The following TEAD1 variants were observed in gnomAD, a reference collection of about 807,000 sequenced individuals.
The protein encoded by TEAD1 is transcriptional enhancer factor TEF-1.
A neutral mutation model predicts 54.9 loss-of-function variants in TEAD1; 9 were observed. The ratio of observed to expected loss-of-function variants is 0.16; its 90% CI spans 0.10 to 0.29. The LOEUF (loss-of-function observed/expected upper bound fraction) is 0.29, where lower values mean the gene tolerates loss of function less well. TEAD1 is among the 10% of genes least tolerant of loss of function. The pLI is 1.00. For synonymous variants in TEAD1, 200 were observed against 187.8 expected, an observed-to-expected ratio of 1.07 and a Z score of -0.53; for missense variants, 387 against 535.9, an observed-to-expected ratio of 0.72 and a Z score of 2.74.
chr11:12,878,495 T>C (rs1362203763), intron 5 of TEAD1, among the ~76,000 whole-genome samples: 1 of 152,196 alleles, frequency 6.6e-6, no homozygotes, highest in Non-Finnish European at 1.5e-5. Flanking sequence ...ATAGACCCTC[T>C]ATTGGCACCG....
chr11:12,765,219 G>A (rs1479290436), intron 3 of TEAD1, among the ~76,000 whole-genome samples: 1 of 152,174 alleles, frequency 6.6e-6, no homozygotes, highest in African/African-American at 2.4e-5. Flanking sequence ...GGGCTTGCTT[G>A]CTGGGTTTGG....
At chr11:12,681,485 A>T (rs538137783) in intron 2 of TEAD1, among the ~76,000 whole-genome samples, 2 of 152,348 alleles carry the variant, frequency 1.3e-5, no homozygotes, top group South Asian at 4.1e-4. Flanking sequence ...TCATGCTTAG[A>T]ACTTGTGAAA....
chr11:12,927,128 G>T (rs1188011129), intron 11 of TEAD1, among the ~76,000 whole-genome samples: 2 of 152,212 alleles, frequency 1.3e-5, no homozygotes, highest in Non-Finnish European at 2.9e-5. Context: ...GCAGGGAAAG[G>T]TTGCTCTTGA....
At chr11:12,864,766 A>T in intron 4 of TEAD1, 72 bp from the exon 5 acceptor site, 1 of 1,612,764 alleles carries the variant, frequency 6.2e-7, no homozygotes, top group Non-Finnish European at 8.5e-7. Context: ...TGGCTTGCCC[A>T]CTTGTAGGGG....
At chr11:12,735,029 T>G (rs1179845677) in intron 2 of TEAD1, among the ~76,000 whole-genome samples, 1 of 152,230 alleles carries the variant, frequency 6.6e-6, no homozygotes, top group East Asian at 1.9e-4. Flanking sequence ...TAAGCTGTAA[T>G]TAATTTAGTA....
At chr11:12,749,421 C>T (rs982100878) in intron 2 of TEAD1, among the ~76,000 whole-genome samples, 4 of 152,174 alleles carry the variant, frequency 2.6e-5, no homozygotes, top group African/African-American at 9.7e-5. Flanking sequence ...CTCCGTCCAC[C>T]TTTTTCCCTA....
At chr11:12,722,643 CTCTT>C (rs1487454600) in intron 2 of TEAD1, among the ~76,000 whole-genome samples, 14 of 143,068 alleles carry the variant, frequency 9.8e-5, no homozygotes, top group African/African-American at 2.3e-4. Flanking sequence ...TGATTTCTCT[CTCTT>C]TCTTTTTTTT....
rs538723267 is a variant in TEAD1, at chr11:12,937,410, T to C, written c.*188T>C. ...GTCATTTTTTCATGTGTTCATACTA[T>C]CATTGTAGCTGTGAAGTTCTGGTAC... On this transcript the variant is annotated 3_prime_UTR_variant, in exon 13 of 13. Transcript: ENST00000527636. 10 of 516,346 alleles carry C rather than the reference T, an allele frequency of 1.9e-5. No homozygotes were observed. The South Asian group carries it at 2.0e-4, about 11-fold the overall frequency. 32.0% of individuals were successfully genotyped at this position (516,346 alleles called of 1,614,324 possible).
intron 2 of TEAD1, among the ~76,000 whole-genome samples, chr11:12,693,618 G>A (rs904252276): frequency 6.6e-6 from 1 of 152,206 alleles, no homozygotes; most frequent in Non-Finnish European, 1.5e-5. Flanking sequence ...GGCTTCCCAT[G>A]TGATGCCTGC....
At chr11:12,900,333 T>C (rs555207644) in intron 9 of TEAD1, among the ~76,000 whole-genome samples, 3 of 152,306 alleles carry the variant, frequency 2.0e-5, no homozygotes, top group African/African-American at 7.2e-5. Context: ...AGTGCTGATA[T>C]TAAAGGCATG....
rs1949165132 is a variant in TEAD1 at position 12,941,817 on chromosome 11, C to T, written c.*4595C>T. The T allele has an allele frequency of 6.5e-6, 1 of 152,756 alleles. No individual in the cohort carries two copies. Among genetic ancestry groups the T allele is most frequent in the Middle Eastern group, 3.4e-3 (1 of 294 alleles). 9.5% of individuals were successfully genotyped at this position (152,756 alleles called of 1,614,324 possible). A position where few individuals can be genotyped will look rare whatever the true frequency, so the allele number is the denominator to read the frequency against. ...TTGTAAGCTGGAAGCATTTCTCTTA[C>T]TACTGTTACTTTTGTAGGAAGTTTT... On this transcript the variant is annotated 3_prime_UTR_variant, in exon 13 of 13. Coordinates refer to ENST00000527636, the MANE Select transcript of TEAD1 (RefSeq NM_021961.6).
intron 3 of TEAD1, among the ~76,000 whole-genome samples, chr11:12,784,915 G>A (rs1049929716): frequency 6.6e-6 from 1 of 152,196 alleles, no homozygotes; most frequent in African/African-American, 2.4e-5. Context: ...GCAGGGTGAG[G>A]GGATCCTGGA....
intron 1 of TEAD1, among the ~76,000 whole-genome samples, 192 bp downstream of exon 1, chr11:12,675,026 G>T (rs958163900): frequency 6.8e-6 from 1 of 147,116 alleles, no homozygotes; most frequent in Non-Finnish European, 1.5e-5. Context: ...GTGAGCGGCC[G>T]GGCGCCGCCG....
intron 3 of TEAD1, among the ~76,000 whole-genome samples, chr11:12,854,020 G>A (rs550252392): frequency 1.3e-5 from 2 of 152,112 alleles, no homozygotes; most frequent in African/African-American, 2.4e-5. Context: ...CCTGAAGGCC[G>A]TCAGTCCTTT....
At chr11:12,814,956 T>G (rs1459878455) in intron 3 of TEAD1, among the ~76,000 whole-genome samples, 1 of 152,152 alleles carries the variant, frequency 6.6e-6, no homozygotes. Flanking sequence ...CGTTTTTCTT[T>G]CATTATTCTC....
rs1276051458 is a variant in TEAD1, at chr11:12,910,414, A to G, written c.873+8301A>G. The stretch of plus-strand genomic sequence containing the variant: ...CTAAAGAAAGCTGTATGCTTTTAAC[A>G]TTCTATTCATAAACATTATAACCCA... On this transcript the variant is annotated intron_variant, in intron 10 of 12. Coordinates refer to ENST00000527636, the MANE Select transcript of TEAD1 (RefSeq NM_021961.6). Among the ~76,000 whole-genome samples the G allele has an allele frequency of 3.9e-5, 6 of 152,328 alleles. 1 individual carries two copies. In the East Asian group the frequency reaches 1.2e-3, roughly 29 times the overall value.
intron 11 of TEAD1, among the ~76,000 whole-genome samples, chr11:12,927,736 CTCTT>C (rs1186933025): frequency 1.2e-4 from 18 of 151,830 alleles, no homozygotes; most frequent in African/African-American, 2.9e-4. Context: ...ACAGGTTTGT[CTCTT>C]TCTTGTTAAA....
chr11:12,880,171 C>T (rs942834412), intron 6 of TEAD1, among the ~76,000 whole-genome samples: 25 of 152,280 alleles, frequency 1.6e-4, no homozygotes, highest in African/African-American at 5.5e-4. Flanking sequence ...TGGGCTCAGG[C>T]GTCTTCTCTC....
chr11:12,851,031 T>TTTTCATGATCTTTAGC, intron 3 of TEAD1: 1 of 972,890 alleles, frequency 1.0e-6, no homozygotes, highest in Non-Finnish European at 1.2e-6. Flanking sequence ...TGCTGTCTAA[T>TTTTCATGATCTTTAGC]TTTCATAATC....
Sources: gnomAD v4.1 joint callset for allele counts (sites outside exome capture counted in the v4.1 genomes callset) on GRCh38, gnomAD v4.1.1 for gene constraint, MANE v1.5 for transcripts, NCBI Gene and HGNC (gene_info 2026-07-23, HGNC 2026-07-21) for gene names.